Variants in CCDC83 observed in about 807,000 individuals in gnomAD.
The protein encoded by CCDC83 is coiled-coil domain containing 83.
A neutral mutation model predicts 50.1 loss-of-function variants in CCDC83; 54 were observed. The observed-to-expected ratio is 1.08, with a 90% CI of 0.87 to 1.35. The LOEUF (loss-of-function observed/expected upper bound fraction) is 1.35. Among genes scored for constraint, CCDC83 ranks in the 40% most tolerant of loss-of-function variants. CCDC83 has a pLI of 0.00. For synonymous variants in CCDC83, 161 were observed against 153.3 expected (o/e 1.05, Z -0.37); for missense variants, 518 against 473.9 (o/e 1.09, Z -0.86).
At chr11:85,889,151 G>A (rs1248824660) in intron 5 of CCDC83, among the ~76,000 whole-genome samples, 1 of 152,176 alleles carries the variant, frequency 6.6e-6, no homozygotes, top group Non-Finnish European at 1.5e-5. Flanking sequence ...TCAGGGGTTC[G>A]AGACAAGCCT....
chr11:85,867,956 A>G (rs2093216970), intron 2 of CCDC83, among the ~76,000 whole-genome samples: 2 of 152,224 alleles, frequency 1.3e-5, no homozygotes. Flanking sequence ...CCTCGGTGAC[A>G]GAACTGTTGT....
At chr11:85,861,726 G>A (rs370842309) in intron 1 of CCDC83, among the ~76,000 whole-genome samples, 2 of 151,976 alleles carry the variant, frequency 1.3e-5, no homozygotes, top group South Asian at 2.1e-4. Flanking sequence ...TAGTCATTTT[G>A]GGCCAAGTGC....
At chr11:85,893,328 C>T (rs766542316) in intron 5 of CCDC83, among the ~76,000 whole-genome samples, 1 of 152,186 alleles carries the variant, frequency 6.6e-6, no homozygotes, top group African/African-American at 2.4e-5. Flanking sequence ...AAAGTATAGA[C>T]GAGGGCTGAA....
At chr11:85,870,560 G>C (rs947176578) in intron 2 of CCDC83, among the ~76,000 whole-genome samples, 1 of 152,032 alleles carries the variant, frequency 6.6e-6, no homozygotes, top group African/African-American at 2.4e-5. Flanking sequence ...AGAAGTCAAA[G>C]ATGAGCCAAG....
chr11:85,910,390 G>A (rs751179489), intron 7 of CCDC83, among the ~76,000 whole-genome samples: 3 of 152,122 alleles, frequency 2.0e-5, no homozygotes, highest in Non-Finnish European at 4.4e-5. Flanking sequence ...TGAACGAATG[G>A]ACAAACAATA....
Position 85,862,358 on chromosome 11 carries a change from G to A in CCDC83, c.-28-2738G>A, listed in dbSNP as rs998605091. 1.3e-4 allele frequency among the ~76,000 whole-genome samples: 20 copies of A among 152,108 alleles called. 1 individual carries two copies. Among genetic ancestry groups the A allele is most frequent in the Admixed American group, 1.1e-3 (17 of 15,270 alleles). ...GTTTTAGAGACCTCAGACACAGTCG[G>A]GAGAGGAAAACACACATGGCCACAA... On this transcript the variant is annotated intron_variant, in intron 1 of 10. Transcript: ENST00000342404.
intron 7 of CCDC83, among the ~76,000 whole-genome samples, chr11:85,904,028 A>T (rs1000600648): frequency 8.6e-5 from 13 of 151,868 alleles, no homozygotes; most frequent in African/African-American, 3.1e-4. Flanking sequence ...AAAATTAATT[A>T]AAAAAATAAA....
intron 4 of CCDC83, among the ~76,000 whole-genome samples, chr11:85,883,856 T>A (rs1036704698): frequency 2.6e-5 from 4 of 152,132 alleles, no homozygotes; most frequent in Admixed American, 6.5e-5. Context: ...AGACCAAACA[T>A]CAATAGGCAA....
intron 1 of CCDC83, among the ~76,000 whole-genome samples, chr11:85,862,424 T>G (rs1243331947): frequency 6.6e-6 from 1 of 152,184 alleles, no homozygotes; most frequent in Non-Finnish European, 1.5e-5. Context: ...CCTAGCATTA[T>G]CTGCATGATT....
intron 7 of CCDC83, among the ~76,000 whole-genome samples, chr11:85,902,776 T>C (rs2135107366): frequency 6.6e-6 from 1 of 152,188 alleles, no homozygotes; most frequent in Admixed American, 6.5e-5. Context: ...TATACCAAAA[T>C]CCAAGCACAC....
Position 85,895,297 on chromosome 11 carries a change from CTAT to C in CCDC83, c.517_519del (p.Tyr173del). ...TTTTTTTTTTTTTTTTTAAAGAACA[CTAT>C]AAAATCACTCTGGAAGATACTAGAA... is the stretch of plus-strand genomic sequence containing the variant. On this transcript the variant is annotated inframe_deletion, in exon 6 of 11. Coordinates refer to ENST00000342404, the MANE Select transcript of CCDC83 (RefSeq NM_001286159.2). 3.4e-6 allele frequency: 2 copies of C among 592,196 alleles called. No individual in the cohort carries two copies. The highest frequency in any genetic ancestry group is 5.6e-6 in the Non-Finnish European group (2 of 356,996). The allele number at this position is 592,196 out of a possible 1,614,324, so 36.7% of individuals were successfully genotyped here. A position where few individuals can be genotyped will look rare whatever the true frequency, so the allele number is the denominator to read the frequency against.
At position 85,896,155 on chromosome 11, in the gene CCDC83, A is replaced by G. The variant is rs556817941; in HGVS notation, c.603+771A>G. ...ATCCAAAGAAGTCTGGCCTGGGTGC[A>G]GTGGCACACTCCTGCAATCCCAGCA... is the stretch of plus-strand genomic sequence containing the variant. On this transcript the variant is annotated intron_variant, in intron 6 of 10. Transcript: ENST00000342404. Among the ~76,000 whole-genome samples the G allele has an allele frequency of 3.2e-4, 49 of 152,274 alleles. No individual in the cohort carries two copies. The East Asian group carries it at 9.3e-3, about 29-fold the overall frequency.
chr11:85,911,460 G>C (rs1490766579), intron 8 of CCDC83, 58 bp downstream of exon 8: 18 of 1,434,730 alleles, frequency 1.3e-5, no homozygotes, highest in Non-Finnish European at 9.3e-7. Flanking sequence ...GCTGTAAAAA[G>C]TTGTTTTTTT....
intron 1 of CCDC83, among the ~76,000 whole-genome samples, chr11:85,861,564 A>G (rs138555156): frequency 5.5e-4 from 84 of 152,330 alleles, no homozygotes; most frequent in African/African-American, 2.0e-3. Context: ...TCTACATTGT[A>G]TGTAAAACAT....
In CCDC83 at chr11:85,919,658, G is replaced by A; in HGVS notation, c.*148G>A. 2 of 645,332 alleles carry A rather than the reference G, an allele frequency of 3.1e-6. No individual in the cohort carries two copies. Among genetic ancestry groups the A allele is most frequent in the East Asian group, 2.8e-5 (1 of 35,350 alleles). 40.0% of individuals were successfully genotyped at this position (645,332 alleles called of 1,614,324 possible). Reference sequence around the variant, plus strand: ...GTCATATTTACATTTAAAATCAAAGGTATTCAGCTATTCATTTACTTGCAT... The same window carrying A: ...GTCATATTTACATTTAAAATCAAAGATATTCAGCTATTCATTTACTTGCAT... On this transcript the variant is annotated 3_prime_UTR_variant, in exon 11 of 11. Coordinates refer to ENST00000342404, the MANE Select transcript of CCDC83 (RefSeq NM_001286159.2).
At chr11:85,875,245 G>C (rs2093262549) in intron 3 of CCDC83, among the ~76,000 whole-genome samples, 1 of 152,192 alleles carries the variant, frequency 6.6e-6, no homozygotes, top group African/African-American at 2.4e-5. Context: ...ATGTAAAATA[G>C]GTGAAGGATG....
intron 7 of CCDC83, among the ~76,000 whole-genome samples, chr11:85,910,104 C>G (rs1389570272): frequency 6.6e-6 from 1 of 152,150 alleles, no homozygotes; most frequent in African/African-American, 2.4e-5. Context: ...CCCAGGGAGT[C>G]CCTGCTTAGT....
rs560011954 is a variant in CCDC83, at chr11:85,861,664, A to G, written c.-28-3432A>G. ...CTCCCAGCCTCCACAGAATTAGGAA[A>G]GGAGTCATTGGGAGGCTTCTGGATA... On this transcript the variant is annotated intron_variant, in intron 1 of 10. Coordinates refer to ENST00000342404, the MANE Select transcript of CCDC83 (RefSeq NM_001286159.2). 4.6e-5 allele frequency among the ~76,000 whole-genome samples: 7 copies of G among 152,304 alleles called. No individual in the cohort carries two copies. The East Asian group carries it at 1.3e-3, about 29-fold the overall frequency.
At chr11:85,880,900 GA>G (rs1164846432) in intron 3 of CCDC83, among the ~76,000 whole-genome samples, 1 of 152,154 alleles carries the variant, frequency 6.6e-6, no homozygotes, top group Non-Finnish European at 1.5e-5. Flanking sequence ...GTCTAAACAT[GA>G]AATTCATTTA....
Sources: allele counts gnomAD v4.1 joint callset (sites outside exome capture counted in the v4.1 genomes callset), GRCh38; gene constraint gnomAD v4.1.1; transcripts MANE v1.5; gene names NCBI Gene and HGNC (gene_info 2026-07-23, HGNC 2026-07-21).